MCTP2: variants seen among roughly 807,000 people sequenced by gnomAD.
MCTP2 encodes the protein multiple C2 and transmembrane domain-containing protein 2.
A neutral mutation model predicts 111.6 loss-of-function variants in MCTP2; 132 were observed. The ratio of observed to expected loss-of-function variants is 1.18; its 90% confidence interval spans 1.03 to 1.37. The LOEUF (loss-of-function observed/expected upper bound fraction) is 1.37. MCTP2 is among the 40% of genes most tolerant of loss of function. The pLI, the probability that MCTP2 is intolerant of heterozygous loss-of-function variation, is 0.00. For missense variants in MCTP2, 1,183 were observed against 1,067.9 expected (o/e 1.11, Z -1.50); for synonymous variants, 395 against 387.7 (o/e 1.02, Z -0.22).
intron 1 of MCTP2, among the ~76,000 whole-genome samples, chr15:94,268,536 C>A (rs922920885): frequency 6.6e-6 from 1 of 152,064 alleles, no homozygotes; most frequent in African/African-American, 2.4e-5. Flanking sequence ...TTGTCCTTCT[C>A]GTTTTCTTGG....
intron 1 of MCTP2, among the ~76,000 whole-genome samples, chr15:94,279,108 T>A (rs1863890153): frequency 1.3e-5 from 2 of 152,182 alleles, no homozygotes; most frequent in African/African-American, 2.4e-5. Context: ...GGTCTCTTTT[T>A]TGGTTTCATA....
intron 15 of MCTP2, 131 bp downstream of exon 15, chr15:94,399,193 T>C (rs1567624741): frequency 1.7e-6 from 1 of 593,336 alleles, no homozygotes; most frequent in Non-Finnish European, 3.0e-6. Flanking sequence ...AATAGTGTTT[T>C]AAAGCTGTGC....
chr15:94,470,267 G>A (rs1424964397), intron 20 of MCTP2, 66 bp from the exon 21 acceptor site: 3 of 1,144,040 alleles, frequency 2.6e-6, no homozygotes, highest in African/African-American at 1.5e-5. Context: ...AAATAAACAT[G>A]ACAAGTTGAC....
At chr15:94,303,754 C>T (rs1450105101) in intron 2 of MCTP2, among the ~76,000 whole-genome samples, 1 of 152,156 alleles carries the variant, frequency 6.6e-6, no homozygotes, top group African/African-American at 2.4e-5. Flanking sequence ...TCATTCTGTT[C>T]TACTGAAATC....
intron 1 of MCTP2, among the ~76,000 whole-genome samples, chr15:94,283,087 A>C (rs995620479): frequency 6.6e-6 from 1 of 152,106 alleles, no homozygotes; most frequent in African/African-American, 2.4e-5. Flanking sequence ...GTGGGTGCAC[A>C]CCGGCAGAGG....
At chr15:94,470,929 C>T (rs554705196) in intron 21 of MCTP2, among the ~76,000 whole-genome samples, 5 of 152,152 alleles carry the variant, frequency 3.3e-5, no homozygotes, top group East Asian at 1.9e-4. Flanking sequence ...GGGGAGGGGG[C>T]GTTCTGTGAA....
At chr15:94,272,836 T>G (rs2073981736) in intron 1 of MCTP2, among the ~76,000 whole-genome samples, 1 of 152,208 alleles carries the variant, frequency 6.6e-6, no homozygotes, top group Non-Finnish European at 1.5e-5. Context: ...ATCGTCATAG[T>G]ATAAGGCTTT....
rs144560291 is a variant in MCTP2, at chr15:94,361,561, G to A, written c.1301+2949G>A. Among the ~76,000 whole-genome samples the A allele has an allele frequency of 5.2e-4, 79 of 152,258 alleles. 1 individual carries two copies. Among genetic ancestry groups the A allele is most frequent in the Admixed American group, 2.5e-3 (38 of 15,284 alleles). On this transcript the variant is annotated intron_variant, in intron 10 of 22. Transcript: ENST00000357742. ...TACTTGACACTGTTTATTCCCTTGC[G>A]CACTCTGATGGTAGGTATTACTTAT...
intron 1 of MCTP2, among the ~76,000 whole-genome samples, chr15:94,276,995 A>G (rs1179764505): frequency 1.3e-5 from 2 of 151,870 alleles, no homozygotes; most frequent in Non-Finnish European, 2.9e-5. Context: ...ATGACACAAA[A>G]CTGTCCTCAT....
chr15:94,399,128 G>A, intron 15 of MCTP2, 66 bp downstream of exon 15: 3 of 819,168 alleles, frequency 3.7e-6, no homozygotes, highest in Non-Finnish European at 4.2e-6. Context: ...CCAGCCTTTG[G>A]AGGCTCAAAT....
chr15:94,403,920 C>A (rs952390739), intron 17 of MCTP2, among the ~76,000 whole-genome samples: 1 of 152,140 alleles, frequency 6.6e-6, no homozygotes, highest in Non-Finnish European at 1.5e-5. Flanking sequence ...AGGGACATTT[C>A]TCATTGGACA....
chr15:94,338,897 G>C (rs930397199), intron 4 of MCTP2, among the ~76,000 whole-genome samples: 2 of 152,116 alleles, frequency 1.3e-5, no homozygotes, highest in African/African-American at 2.4e-5. Flanking sequence ...CAGCCATCTG[G>C]CTAAATGTTT....
chr15:94,398,090 G>T (rs1257834436), intron 14 of MCTP2, among the ~76,000 whole-genome samples: 5 of 152,192 alleles, frequency 3.3e-5, no homozygotes, highest in Non-Finnish European at 7.3e-5. Flanking sequence ...TATATGTGGG[G>T]TCCACAGGTA....
At chr15:94,439,926 A>G (rs2083681572) in intron 17 of MCTP2, among the ~76,000 whole-genome samples, 1 of 152,174 alleles carries the variant, frequency 6.6e-6, no homozygotes, top group Admixed American at 6.5e-5. Context: ...CTGGCACACT[A>G]AAATCCATGG....
chr15:94,289,735 A>G (rs1018377890), intron 1 of MCTP2, among the ~76,000 whole-genome samples: 1 of 152,196 alleles, frequency 6.6e-6, no homozygotes, highest in Non-Finnish European at 1.5e-5. Flanking sequence ...GAAGAGACCT[A>G]TACGCTGGTA....
At chr15:94,346,773 A>G (rs950537613) in intron 8 of MCTP2, among the ~76,000 whole-genome samples, 1 of 152,082 alleles carries the variant, frequency 6.6e-6, no homozygotes, top group African/African-American at 2.4e-5. Flanking sequence ...GAATGGCCAA[A>G]CGAATGATGG....
chr15:94,347,691 G>A (rs184525131), intron 8 of MCTP2, among the ~76,000 whole-genome samples: 2 of 152,212 alleles, frequency 1.3e-5, no homozygotes, highest in Admixed American at 6.5e-5. Context: ...TCTTTGGTGT[G>A]ACCAGATTTG....
At chr15:94,383,101 TTTGTTTGTTTTA>T (rs2080247766) in intron 12 of MCTP2, among the ~76,000 whole-genome samples, 1 of 152,200 alleles carries the variant, frequency 6.6e-6, no homozygotes, top group Non-Finnish European at 1.5e-5. Context: ...TTATACTTTT[TTTGTTTGTTTTA>T]TGACACCAGA....
At chr15:94,408,915 C>T (rs1483904698) in intron 17 of MCTP2, among the ~76,000 whole-genome samples, 2 of 151,876 alleles carry the variant, frequency 1.3e-5, no homozygotes, top group East Asian at 3.9e-4. Flanking sequence ...TGCGTGGGAC[C>T]CTGTGTCACT....
Sources: gnomAD v4.1 joint callset for allele counts (sites outside exome capture counted in the v4.1 genomes callset) on GRCh38, gnomAD v4.1.1 for gene constraint, MANE v1.5 for transcripts, NCBI Gene and HGNC (gene_info 2026-07-23, HGNC 2026-07-21) for gene names.